The following XNDC1N variants were observed in gnomAD, a reference collection of about 807,000 sequenced individuals.
XNDC1N encodes XRCC1 N-terminal domain containing 1, N-terminal like, also known as protein XNDC1N.
At chr11:71,887,166 C>A in the XNDC1N span, among the ~76,000 whole-genome samples, 1 of 152,144 alleles carries the variant, frequency 6.6e-6, no homozygotes, top group African/African-American at 2.4e-5. Flanking sequence ...TTGTAGATAG[C>A]GGTGCTGAAC....
the XNDC1N span, among the ~76,000 whole-genome samples, chr11:71,895,611 G>A: frequency 3.9e-5 from 6 of 151,914 alleles, no homozygotes; most frequent in Admixed American, 1.3e-4. Context: ...ACAGGCATGC[G>A]CGACCGCGCC....
At chr11:71,885,769 T>A in the XNDC1N span, among the ~76,000 whole-genome samples, 1 of 151,880 alleles carries the variant, frequency 6.6e-6, no homozygotes, top group Non-Finnish European at 1.5e-5. Flanking sequence ...AATAAAGTTT[T>A]CAGATTATTA....
At chr11:71,925,459 A>G in the XNDC1N span, among the ~76,000 whole-genome samples, 1 of 152,174 alleles carries the variant, frequency 6.6e-6, no homozygotes, top group Non-Finnish European at 1.5e-5. Context: ...CTCACAGGCC[A>G]CAGCCAGTAT....
At chr11:71,916,159 G>C in the XNDC1N span, 9 of 702,968 alleles carry the variant, frequency 1.3e-5, no homozygotes, top group Non-Finnish European at 1.8e-5. Flanking sequence ...CCGTAGAAAG[G>C]CCAGGCCAAA....
the XNDC1N span, among the ~76,000 whole-genome samples, chr11:71,877,375 C>A: frequency 6.6e-6 from 1 of 152,208 alleles, no homozygotes; most frequent in Non-Finnish European, 1.5e-5. Context: ...TGGTGGCTCA[C>A]CCCTGTAATC....
At chr11:71,903,330 TG>T in the XNDC1N span, 1 of 1,434,004 alleles carries the variant, frequency 7.0e-7, no homozygotes, top group Non-Finnish European at 9.8e-7. Flanking sequence ...CTCATCATCC[TG>T]GCCGTCAGCC....
chr11:71,927,797 C>A, the XNDC1N span: 2 of 152,202 alleles, frequency 1.3e-5, no homozygotes, highest in Non-Finnish European at 2.9e-5. Context: ...ACAGTATTTA[C>A]AATATTCTCC....
At chr11:71,880,037 T>A in the XNDC1N span, among the ~76,000 whole-genome samples, 3 of 152,142 alleles carry the variant, frequency 2.0e-5, no homozygotes, top group Non-Finnish European at 2.9e-5. Flanking sequence ...AATAAAAATA[T>A]AAAACACCAA....
the XNDC1N span, among the ~76,000 whole-genome samples, chr11:71,916,435 C>T: frequency 6.6e-6 from 1 of 152,144 alleles, no homozygotes; most frequent in Non-Finnish European, 1.5e-5. Flanking sequence ...GCCAAGCAGG[C>T]CAGTCAGGGC....
At chr11:71,874,520 A>T in the XNDC1N span, among the ~76,000 whole-genome samples, 1 of 152,198 alleles carries the variant, frequency 6.6e-6, no homozygotes, top group African/African-American at 2.4e-5. Context: ...TAACAGAGAA[A>T]GTGGTATGAA....
At chr11:71,899,713 A>G in the XNDC1N span, among the ~76,000 whole-genome samples, 4,166 of 141,924 alleles carry the variant, frequency 0.029, 1 homozygote, top group African/African-American at 0.068. Flanking sequence ...TGAAAGCGGC[A>G]TATTGTCCAA....
chr11:71,910,606 G>A, the XNDC1N span, among the ~76,000 whole-genome samples: 5 of 152,182 alleles, frequency 3.3e-5, no homozygotes, highest in East Asian at 1.9e-4. Flanking sequence ...GCCCTACACC[G>A]GCACCTGGAG....
At chr11:71,901,168 GCTTTCTGTACAGCTCTTGA>G in the XNDC1N span, among the ~76,000 whole-genome samples, 1 of 152,124 alleles carries the variant, frequency 6.6e-6, no homozygotes, top group African/African-American at 2.4e-5. Context: ...CCTGTTCCTG[GCTTTCTGTACAGCTCTTGA>G]CTTCCACAAA....
the XNDC1N span, chr11:71,878,458 G>T: frequency 1.9e-6 from 3 of 1,611,502 alleles, no homozygotes; most frequent in Non-Finnish European, 2.5e-6. Context: ...CAACCATGAG[G>T]GTCTTGTTTT....
the XNDC1N span, chr11:71,916,248 A>G: frequency 4.3e-6 from 3 of 702,618 alleles, no homozygotes; most frequent in Non-Finnish European, 7.8e-6. Context: ...GAGCCAGGAA[A>G]TCAACTCAAG....
chr11:71,913,127 A>G, the XNDC1N span, among the ~76,000 whole-genome samples: 1 of 152,076 alleles, frequency 6.6e-6, no homozygotes, highest in Non-Finnish European at 1.5e-5. Flanking sequence ...TGAGAGTCAT[A>G]TCATCCTCTT....
chr11:71,919,013 G>A, the XNDC1N span: 4 of 701,740 alleles, frequency 5.7e-6, no homozygotes, highest in Non-Finnish European at 7.8e-6. Context: ...GTTCTCTACA[G>A]GATACTTGGG....
the XNDC1N span, among the ~76,000 whole-genome samples, chr11:71,911,790 G>T: frequency 6.6e-6 from 1 of 152,178 alleles, no homozygotes; most frequent in East Asian, 1.9e-4. Context: ...TGCATTGCAG[G>T]GGACACCAGC....
At chr11:71,907,516 A>T in the XNDC1N span, among the ~76,000 whole-genome samples, 1 of 151,860 alleles carries the variant, frequency 6.6e-6, no homozygotes, top group African/African-American at 2.4e-5. Flanking sequence ...AGCCTGTTTA[A>T]CATATTGTGA....
Sources: allele counts gnomAD v4.1 joint callset (sites outside exome capture counted in the v4.1 genomes callset), GRCh38; gene constraint gnomAD v4.1.1; transcripts MANE v1.5; gene names NCBI Gene and HGNC (gene_info 2026-07-23, HGNC 2026-07-21).